LRRTM4: variants seen among roughly 807,000 people sequenced by gnomAD.
LRRTM4 encodes leucine rich repeat transmembrane neuronal 4, also known as leucine-rich repeat transmembrane neuronal protein 4.
Under a neutral mutation model 47.6 loss-of-function variants are expected in LRRTM4, and 25 were observed. The observed-to-expected ratio is 0.53, with a 90% confidence interval of 0.38 to 0.73. LRRTM4 has a LOEUF of 0.73. Among genes scored for constraint, LRRTM4 ranks in the 30% least tolerant of loss-of-function variants. The pLI is 0.00. For missense variants in LRRTM4, 638 were observed against 713.4 expected (o/e 0.89, Z 1.20); for synonymous variants, 311 against 269.5 (o/e 1.15, Z -1.51).
intron 3 of LRRTM4, among the ~76,000 whole-genome samples, chr2:76,942,121 G>A (rs1044453465): frequency 6.6e-6 from 1 of 152,114 alleles, no homozygotes; most frequent in Non-Finnish European, 1.5e-5. Context: ...CTTTTGAGAA[G>A]TGTCTGTTCA....
Position 77,152,530 on chromosome 2 carries a change from G to A in LRRTM4, c.1551+365788C>T, listed in dbSNP as rs113221958. Among the ~76,000 whole-genome samples, 1,025 of 152,006 alleles carry A rather than the reference G, an allele frequency of 6.7e-3. 25 individuals are homozygous for A. The highest frequency in any genetic ancestry group is 0.041 in the Admixed American group (629 of 15,268). On this transcript the variant is annotated intron_variant, in intron 3 of 3. Coordinates refer to ENST00000409884, the MANE Select transcript of LRRTM4 (RefSeq NM_001134745.3). The stretch of plus-strand genomic sequence containing the variant: ...TTTTTAGTACAGACGGGGTTTCACC[G>A]TGTTAGCCACAATGGTCTTGATCTC...
At position 76,827,375 on chromosome 2, in the gene LRRTM4, T is replaced by C. The variant is rs574664915; in HGVS notation, c.1552-78459A>G. On this transcript the variant is annotated intron_variant, in intron 3 of 3. Coordinates refer to ENST00000409884, the MANE Select transcript of LRRTM4 (RefSeq NM_001134745.3). The stretch of plus-strand genomic sequence containing the variant: ...GGGCCTTTGCAGACAAATTTCCTAA[T>C]GGTTGTTTAATATGTTATTCAGTAG... Among the ~76,000 whole-genome samples, 7 of 151,910 alleles carry C rather than the reference T, an allele frequency of 4.6e-5. No homozygotes were observed. In the South Asian group the frequency reaches 1.4e-3, roughly 31 times the overall value.
chr2:77,457,323 T>C (rs186273641), intron 3 of LRRTM4, among the ~76,000 whole-genome samples: 1 of 152,050 alleles, frequency 6.6e-6, no homozygotes, highest in African/African-American at 2.4e-5. Context: ...TCATTCTTGA[T>C]TGCTTTCTTT....
At chr2:77,331,397 G>A (rs987786959) in intron 3 of LRRTM4, among the ~76,000 whole-genome samples, 1 of 152,114 alleles carries the variant, frequency 6.6e-6, no homozygotes, top group Non-Finnish European at 1.5e-5. Context: ...CTGGGGTAGT[G>A]GGATAGAGGG....
intron 3 of LRRTM4, among the ~76,000 whole-genome samples, chr2:76,906,189 A>T (rs1673831897): frequency 6.6e-6 from 1 of 152,230 alleles, no homozygotes; most frequent in Non-Finnish European, 1.5e-5. Context: ...GGGGGCCAAT[A>T]TTCAACATTC....
chr2:76,986,863 C>T (rs776088995), intron 3 of LRRTM4, among the ~76,000 whole-genome samples: 3 of 151,770 alleles, frequency 2.0e-5, no homozygotes, highest in Non-Finnish European at 2.9e-5. Context: ...CTATTGTATG[C>T]AACTAAAATA....
chr2:77,028,395 T>C (rs1047506149), intron 3 of LRRTM4, among the ~76,000 whole-genome samples: 12 of 152,164 alleles, frequency 7.9e-5, no homozygotes, highest in African/African-American at 2.9e-4. Flanking sequence ...GAGATGAACT[T>C]TCTAACCTTC....
chr2:76,916,205 C>T (rs1283475023), intron 3 of LRRTM4, among the ~76,000 whole-genome samples: 1 of 151,428 alleles, frequency 6.6e-6, no homozygotes, highest in Non-Finnish European at 1.5e-5. Flanking sequence ...AACATGAACA[C>T]AAGTTTAAAA....
chr2:77,029,505 A>C (rs977220829), intron 3 of LRRTM4, among the ~76,000 whole-genome samples: 1 of 152,120 alleles, frequency 6.6e-6, no homozygotes, highest in Admixed American at 6.5e-5. Flanking sequence ...GAAGGCCAGA[A>C]AATTCAGTTA....
chr2:77,112,751 T>C (rs1209239669), intron 3 of LRRTM4, among the ~76,000 whole-genome samples: 1 of 152,282 alleles, frequency 6.6e-6, no homozygotes, highest in Admixed American at 6.5e-5. Flanking sequence ...TCGAGCCAGT[T>C]TGATTGCTGT....
intron 3 of LRRTM4, among the ~76,000 whole-genome samples, chr2:76,755,203 T>A (rs1246760154): frequency 1.3e-5 from 2 of 152,184 alleles, no homozygotes; most frequent in Admixed American, 1.3e-4. Context: ...CAATGTTCAA[T>A]ATTTATATAG....
chr2:76,936,489 G>A (rs1209948644), intron 3 of LRRTM4, among the ~76,000 whole-genome samples: 5 of 151,366 alleles, frequency 3.3e-5, no homozygotes, highest in African/African-American at 4.9e-5. Flanking sequence ...TAATGTAGAT[G>A]ACGGGTTGAT....
intron 3 of LRRTM4, among the ~76,000 whole-genome samples, chr2:77,046,828 C>T (rs557042092): frequency 6.6e-6 from 1 of 152,048 alleles, no homozygotes; most frequent in South Asian, 2.1e-4. Context: ...GACAGAATGA[C>T]TTTGAAGAGT....
At chr2:77,337,002 G>A (rs1671191562) in intron 3 of LRRTM4, among the ~76,000 whole-genome samples, 1 of 152,048 alleles carries the variant, frequency 6.6e-6, no homozygotes, top group Non-Finnish European at 1.5e-5. Context: ...TAGACCTGAG[G>A]ACAAACAACT....
At chr2:76,994,487 T>C (rs906911437) in intron 3 of LRRTM4, among the ~76,000 whole-genome samples, 2 of 151,766 alleles carry the variant, frequency 1.3e-5, no homozygotes, top group African/African-American at 2.4e-5. Flanking sequence ...TTGGCTACTG[T>C]TGATGCCATG....
At chr2:77,360,560 A>T (rs1177980222) in intron 3 of LRRTM4, among the ~76,000 whole-genome samples, 210 of 149,782 alleles carry the variant, frequency 1.4e-3, no homozygotes, top group Non-Finnish European at 2.2e-3. Context: ...ATACATACAT[A>T]CATACATACA....
chr2:77,444,048 G>A (rs1052931083), intron 3 of LRRTM4, among the ~76,000 whole-genome samples: 19 of 152,162 alleles, frequency 1.2e-4, no homozygotes, highest in Admixed American at 4.6e-4. Context: ...AGAGATCCGT[G>A]TGAAGGCCTC....
intron 3 of LRRTM4, among the ~76,000 whole-genome samples, chr2:77,040,896 A>G (rs1044765743): frequency 7.9e-5 from 12 of 151,528 alleles, no homozygotes; most frequent in African/African-American, 2.9e-4. Context: ...GATAAATAGT[A>G]TACCTATCAC....
intron 3 of LRRTM4, among the ~76,000 whole-genome samples, chr2:77,433,964 A>C (rs529201858): frequency 6.6e-6 from 1 of 152,302 alleles, no homozygotes; most frequent in Non-Finnish European, 1.5e-5. Flanking sequence ...GAATCTCTAC[A>C]CAAGTTATGG....
Sources: allele counts gnomAD v4.1 joint callset (sites outside exome capture counted in the v4.1 genomes callset), GRCh38; gene constraint gnomAD v4.1.1; transcripts MANE v1.5; gene names NCBI Gene and HGNC (gene_info 2026-07-23, HGNC 2026-07-21).